Variants in LRRC56 observed in about 807,000 individuals in gnomAD.
The protein encoded by LRRC56 is leucine rich repeat containing 56.
In LRRC56, 41 loss-of-function variants were observed where a neutral mutation model predicts 47.8. The observed-to-expected ratio is 0.86, with a 90% CI of 0.67 to 1.11. LRRC56 has a LOEUF of 1.11. Ranked by LOEUF, LRRC56 falls within the 50% of genes most tolerant of loss-of-function variation. The probability of loss-of-function intolerance (pLI) is 0.00; values close to 1 mark genes in which losing one functional copy is unlikely to be tolerated. For synonymous variants in LRRC56, 387 were observed against 311.2 expected (o/e 1.24, Z -2.56); for missense variants, 759 against 704.2 (o/e 1.08, Z -0.88).
rs920070502 is a variant in LRRC56 at position 541,249 on chromosome 11, G to A, written c.178-288G>A. Among the ~76,000 whole-genome samples, 1 of 152,168 alleles carries A rather than the reference G, an allele frequency of 6.6e-6. No individual in the cohort carries two copies. The highest frequency in any genetic ancestry group is 1.5e-5 in the Non-Finnish European group (1 of 68,010). ...CAGGGCAGGGCCCGGCGCGGTCCGG[G>A]CTCTGGGTGCCGGGTGTGGTGTGTC... is the stretch of plus-strand genomic sequence containing the variant. On this transcript the variant is annotated intron_variant, in intron 4 of 13. Transcript: ENST00000270115. The surrounding 1 kb of genome is among the most constrained non-coding windows in gnomAD (Gnocchi z 4.1).
upstream of LRRC56, chr11:534,337 C>T (rs748789214): frequency 8.7e-6 from 14 of 1,605,176 alleles, no homozygotes; most frequent in East Asian, 6.7e-5. Context: ...CCTCAGGGGC[C>T]TGCGGCCCGG....
At chr11:517,311 C>T in the LRRC56 span, among the ~76,000 whole-genome samples, 3 of 147,618 alleles carry the variant, frequency 2.0e-5, no homozygotes, top group Non-Finnish European at 3.0e-5. Context: ...GGCCGCCCAT[C>T]GTCTGGGAGG....
chr11:540,193 G>T (rs1851724644), intron 3 of LRRC56, among the ~76,000 whole-genome samples: 1 of 152,240 alleles, frequency 6.6e-6, no homozygotes, highest in Non-Finnish European at 1.5e-5. Flanking sequence ...GCTGGCACAG[G>T]GCTGGGGTAG....
chr11:539,285 CCT>C (rs1564796035), intron 2 of LRRC56, among the ~76,000 whole-genome samples: 2 of 151,476 alleles, frequency 1.3e-5, no homozygotes, highest in Non-Finnish European at 2.9e-5. Flanking sequence ...TGGGGTTTCA[CCT>C]CGTTAGCCAG....
At position 552,310 on chromosome 11, in the gene LRRC56, T is replaced by C. The variant is rs1852443243; in HGVS notation, c.1181+78T>C. 3 of 1,527,540 alleles carry C rather than the reference T, an allele frequency of 2.0e-6. No homozygotes were observed. The African/African-American group carries it at 4.1e-5, about 21-fold the overall frequency. The allele number at this position is 1,527,540 out of a possible 1,614,324, so 94.6% of individuals were successfully genotyped here. A position where few individuals can be genotyped will look rare whatever the true frequency, so the allele number is the denominator to read the frequency against. ...CAGGGCTGGGGCTACCTTGGCTGAGTCATCCCCAGTCCCAAGGCTCGTGGA... is the reference window on the plus strand; with the variant it reads ...CAGGGCTGGGGCTACCTTGGCTGAGCCATCCCCAGTCCCAAGGCTCGTGGA... On this transcript the variant is annotated intron_variant, in intron 12 of 13. Coordinates refer to ENST00000270115, the MANE Select transcript of LRRC56 (RefSeq NM_198075.4).
intron 3 of LRRC56, 69 bp from the exon 4 acceptor site, chr11:540,605 G>A: frequency 1.4e-6 from 2 of 1,389,802 alleles, no homozygotes; most frequent in Non-Finnish European, 9.9e-7. Flanking sequence ...GGCTGGGCCA[G>A]GGTCTCAGCC....
the LRRC56 span, among the ~76,000 whole-genome samples, chr11:508,681 C>T: frequency 2.0e-5 from 3 of 151,590 alleles, no homozygotes; most frequent in South Asian, 2.1e-4. Flanking sequence ...GCAGGAGAAT[C>T]GCTTGAACAC....
chr11:519,079 C>CCAAAAACCTGCTGTCTGGCTTTTCT, the LRRC56 span, among the ~76,000 whole-genome samples: 21 of 152,330 alleles, frequency 1.4e-4, no homozygotes, highest in East Asian at 4.0e-3. Flanking sequence ...GGTCCTTCCG[C>CCAAAAACCTGCTGTCTGGCTTTTCT]CAAAAACCTG....
rs1281969932 is a variant in LRRC56 at position 544,813 on chromosome 11, G to T, written c.326+33G>T. On this transcript the variant is annotated intron_variant, in intron 6 of 13. Transcript: ENST00000270115. ...CCTGAGGGGGGTGGGCTGGGGCCCTGCCATGAGGGGGTCCGATGGGACAGG... is the reference window on the plus strand; with the variant it reads ...CCTGAGGGGGGTGGGCTGGGGCCCTTCCATGAGGGGGTCCGATGGGACAGG... 3 of 1,562,116 alleles carry T rather than the reference G, an allele frequency of 1.9e-6. No individual in the cohort carries two copies. The Middle Eastern group carries it at 5.1e-4, about 267-fold the overall frequency.
At chr11:515,615 A>C in the LRRC56 span, among the ~76,000 whole-genome samples, 1 of 152,180 alleles carries the variant, frequency 6.6e-6, no homozygotes, top group Non-Finnish European at 1.5e-5. Context: ...AGGCGGGTGG[A>C]TCACCAGAGG....
At chr11:522,328 C>T in the LRRC56 span, among the ~76,000 whole-genome samples, 513 of 152,104 alleles carry the variant, frequency 3.4e-3, 4 homozygotes, top group African/African-American at 0.011. Context: ...TGCAGTGGCG[C>T]GATCTCAGCT....
chr11:552,843 G>T lies in LRRC56; in HGVS notation c.1315+141G>T. On this transcript the variant is annotated intron_variant, in intron 13 of 13. Coordinates refer to ENST00000270115, the MANE Select transcript of LRRC56 (RefSeq NM_198075.4). Reference sequence around the variant, plus strand: ...GCTCTGAGAGGGACTGTAACAGGGAGGCCCCCTTCTGGGGGTGGGGGGCTC... The same window carrying T: ...GCTCTGAGAGGGACTGTAACAGGGATGCCCCCTTCTGGGGGTGGGGGGCTC... The T allele has an allele frequency of 7.9e-6, 6 of 760,444 alleles. No homozygotes were observed. In the Middle Eastern group the frequency reaches 7.6e-4, roughly 96 times the overall value. 47.1% of individuals were successfully genotyped at this position (760,444 alleles called of 1,614,324 possible). A position where few individuals can be genotyped will look rare whatever the true frequency, so the allele number is the denominator to read the frequency against.
At chr11:506,755 G>C in the LRRC56 span, 1 of 152,304 alleles carries the variant, frequency 6.6e-6, no homozygotes, top group Non-Finnish European at 1.5e-5. Context: ...TGCTTGCGTA[G>C]CTCGCTGGAA....
chr11:543,983 A>C (rs755046518), intron 5 of LRRC56, among the ~76,000 whole-genome samples: 11 of 151,910 alleles, frequency 7.2e-5, no homozygotes, highest in East Asian at 3.9e-4. Flanking sequence ...CTACTGACCT[A>C]GTGATCCACC....
intron 1 of LRRC56, among the ~76,000 whole-genome samples, chr11:538,028 A>C (rs1274166305): frequency 2.6e-5 from 4 of 152,000 alleles, no homozygotes; most frequent in Non-Finnish European, 4.4e-5. Context: ...CCCAGTTACC[A>C]ATTTGGGGAG....
chr11:547,781 TAACAA>T (rs1852166664), intron 6 of LRRC56, among the ~76,000 whole-genome samples: 1 of 152,132 alleles, frequency 6.6e-6, no homozygotes, highest in Non-Finnish European at 1.5e-5. Context: ...GCACTACCTG[TAACAA>T]AACAAAATAG....
At chr11:534,212 C>T (rs1851314734), upstream of LRRC56, 2 of 1,610,006 alleles carry the variant, frequency 1.2e-6, no homozygotes, top group East Asian at 2.2e-5. Context: ...CCAGGCTCAC[C>T]TCTATAGTGG....
upstream of LRRC56, among the ~76,000 whole-genome samples, chr11:536,685 C>A (rs1851509181): frequency 2.0e-5 from 3 of 152,242 alleles, no homozygotes; most frequent in Admixed American, 2.0e-4. Flanking sequence ...GCAGGAGAAT[C>A]GCTGGAACCC....
chr11:528,670 G>A, the LRRC56 span: 1 of 152,184 alleles, frequency 6.6e-6, no homozygotes, highest in Non-Finnish European at 1.5e-5. Flanking sequence ...CTCGAGCCAC[G>A]GGGGTGACAG....
Sources: allele counts gnomAD v4.1 joint callset (sites outside exome capture counted in the v4.1 genomes callset), GRCh38; gene constraint gnomAD v4.1.1; non-coding constraint Gnocchi (gnomAD v3.1); transcripts MANE v1.5; gene names NCBI Gene and HGNC (gene_info 2026-07-23, HGNC 2026-07-21).